Variants in EEPD1 observed in about 807,000 individuals in gnomAD.
EEPD1 encodes endonuclease/exonuclease/phosphatase family domain containing 1.
A neutral mutation model predicts 46.3 loss-of-function variants in EEPD1; 17 were observed. The observed-to-expected ratio is 0.37, with a 90% CI of 0.25 to 0.55. The LOEUF (loss-of-function observed/expected upper bound fraction) is 0.55, where lower values mean the gene tolerates loss of function less well. Among genes scored for constraint, EEPD1 ranks in the 20% least tolerant of loss-of-function variants. The probability of loss-of-function intolerance (pLI) is 0.83; values close to 1 mark genes in which losing one functional copy is unlikely to be tolerated. For missense variants in EEPD1, 673 were observed against 745.6 expected, an observed-to-expected ratio of 0.90 and a Z score of 1.13; for synonymous variants, 313 against 315.6, an observed-to-expected ratio of 0.99 and a Z score of 0.09.
At chr7:36,161,239 G>A (rs944734593) in intron 2 of EEPD1, among the ~76,000 whole-genome samples, 1 of 152,208 alleles carries the variant, frequency 6.6e-6, no homozygotes, top group African/African-American at 2.4e-5. Flanking sequence ...AGAGGCATGG[G>A]CGCAGGAAGA....
chr7:36,298,988 T>C lies in EEPD1; in HGVS notation c.1511-19T>C, dbSNP rs1787572103. Reference sequence around the variant, plus strand: ...CCCCCCATCCTGATTCCCGGTCTCTTTCCTTCCTCTCCCTTCAGGTCACTG... The same window carrying C: ...CCCCCCATCCTGATTCCCGGTCTCTCTCCTTCCTCTCCCTTCAGGTCACTG... On this transcript the variant is annotated intron_variant, in intron 7 of 7. Coordinates refer to ENST00000242108, the MANE Select transcript of EEPD1 (RefSeq NM_030636.3). 3 of 1,612,878 alleles carry C rather than the reference T, an allele frequency of 1.9e-6. No individual in the cohort carries two copies. Among genetic ancestry groups the C allele is most frequent in the Non-Finnish European group, 2.5e-6 (3 of 1,179,346 alleles).
rs569504298 is a variant in EEPD1 at position 36,293,984 on chromosome 7, ACTT to A, written c.1316-3005_1316-3003del. On this transcript the variant is annotated intron_variant, in intron 6 of 7. Coordinates refer to ENST00000242108, the MANE Select transcript of EEPD1 (RefSeq NM_030636.3). ...ATCTCAAAAAAAAAAAAGTTTCAAA[ACTT>A]CTTATTTGAAGCACATCCATCTCCA... Among the ~76,000 whole-genome samples the A allele has an allele frequency of 3.1e-3, 478 of 152,124 alleles. 1 individual carries two copies. The highest frequency in any genetic ancestry group is 0.011 in the African/African-American group (438 of 41,486).
At chr7:36,194,701 G>A (rs369360978) in intron 2 of EEPD1, among the ~76,000 whole-genome samples, 22 of 152,176 alleles carry the variant, frequency 1.4e-4, no homozygotes, top group Admixed American at 1.2e-3. Context: ...CCGGAAGAGC[G>A]AAGGAATTGA....
At chr7:36,266,925 T>C (rs1787028476) in intron 3 of EEPD1, among the ~76,000 whole-genome samples, 2 of 152,264 alleles carry the variant, frequency 1.3e-5, no homozygotes, top group African/African-American at 4.8e-5. Context: ...CACGGCTGAG[T>C]AATACTTTCT....
At chr7:36,162,629 C>A (rs1020244279) in intron 2 of EEPD1, among the ~76,000 whole-genome samples, 4 of 151,676 alleles carry the variant, frequency 2.6e-5, no homozygotes, top group Non-Finnish European at 4.4e-5. Flanking sequence ...GAGCACAGAG[C>A]GAGACCCTGT....
chr7:36,213,680 A>C (rs1785976806), intron 2 of EEPD1, among the ~76,000 whole-genome samples: 1 of 152,118 alleles, frequency 6.6e-6, no homozygotes, highest in Non-Finnish European at 1.5e-5. Context: ...GTGTGACTCC[A>C]CTCACAAGAC....
rs942346132 is a variant in EEPD1, at chr7:36,154,876, T to C, written c.552T>C (p.Asn184=). 1 of 1,614,172 alleles carries C rather than the reference T, an allele frequency of 6.2e-7. No homozygotes were observed. Among genetic ancestry groups the C allele is most frequent in the African/African-American group, 1.3e-5 (1 of 75,024 alleles). ...ACCTAGTGAGGATGGATGGTATCAA[T>C]GCCGCCTTCCTGGACAGGATCCGGC... ...VEDLVRMDGI[N]AAFLDRIRHQ... Residue 184 remains asparagine (N), a synonymous_variant, in exon 2 of 8, where the codon AAT becomes AAC. Coordinates refer to ENST00000242108, the MANE Select transcript of EEPD1 (RefSeq NM_030636.3). The surrounding 1 kb of genome is among the most constrained non-coding windows in gnomAD (Gnocchi z 4.2).
intron 2 of EEPD1, among the ~76,000 whole-genome samples, chr7:36,219,013 A>G (rs1378514987): frequency 6.6e-6 from 1 of 152,188 alleles, no homozygotes; most frequent in Non-Finnish European, 1.5e-5. Context: ...TCGGGTTGGT[A>G]TCTGGAAGTC....
intron 2 of EEPD1, among the ~76,000 whole-genome samples, chr7:36,233,749 C>T (rs766130588): frequency 1.1e-4 from 17 of 152,162 alleles, no homozygotes; most frequent in Non-Finnish European, 2.4e-4. Flanking sequence ...TGGAAAGATC[C>T]TGGGGAAGAC....
At position 36,297,063 on chromosome 7, in the gene EEPD1, GA is replaced by G. The variant is rs1222137368; in HGVS notation, c.1389del (p.Glu464LysfsTer6). On this transcript the variant is annotated frameshift_variant, in exon 7 of 8. Coordinates refer to ENST00000242108, the MANE Select transcript of EEPD1 (RefSeq NM_030636.3). LOFTEE classifies it high-confidence loss of function. ...ACAGCAATGACTATGATATCCTGAGGAAAGAAAAGTTCCACCACCTGATCCC... is the reference window on the plus strand; with the variant it reads ...ACAGCAATGACTATGATATCCTGAGGAAGAAAAGTTCCACCACCTGATCCC... ...PDSNDYDILR[K>X]EKFHHLIPAH... 6.2e-7 allele frequency: 1 copy of G among 1,614,216 alleles called. No homozygotes were observed. Among genetic ancestry groups the G allele is most frequent in the Admixed American group, 1.7e-5 (1 of 60,020 alleles).
At chr7:36,257,572 T>G (rs1485353901) in intron 3 of EEPD1, among the ~76,000 whole-genome samples, 1 of 152,222 alleles carries the variant, frequency 6.6e-6, no homozygotes, top group Non-Finnish European at 1.5e-5. Flanking sequence ...TTCATTAAGT[T>G]GGTCTTTGAT....
chr7:36,260,607 TA>T (rs1436572722), intron 3 of EEPD1, among the ~76,000 whole-genome samples: 1 of 152,222 alleles, frequency 6.6e-6, no homozygotes, highest in Non-Finnish European at 1.5e-5. Flanking sequence ...ATTATTTGCA[TA>T]AAGTCCAACA....
At chr7:36,253,368 G>A (rs76351169) in intron 3 of EEPD1, among the ~76,000 whole-genome samples, 4,459 of 152,218 alleles carry the variant, frequency 0.029, 218 homozygotes, top group African/African-American at 0.1. Context: ...CTAACATAAG[G>A]TCTGTCCCAA....
chr7:36,247,122 C>CAAAAA (rs35947069), intron 3 of EEPD1, among the ~76,000 whole-genome samples: 3 of 107,226 alleles, frequency 2.8e-5, no homozygotes, highest in African/African-American at 3.5e-5. Context: ...GACTCCATCT[C>CAAAAA]AAAAAAAAAA....
intron 2 of EEPD1, among the ~76,000 whole-genome samples, chr7:36,198,976 C>A (rs893833756): frequency 6.6e-6 from 1 of 152,090 alleles, no homozygotes; most frequent in Non-Finnish European, 1.5e-5. Flanking sequence ...CCGAGGAGAA[C>A]CAGAAAGAGC....
intron 3 of EEPD1, among the ~76,000 whole-genome samples, chr7:36,245,288 T>C (rs1004768177): frequency 3.3e-5 from 5 of 152,082 alleles, no homozygotes; most frequent in Non-Finnish European, 1.5e-5. Flanking sequence ...AGGGGGACAT[T>C]TTGCCCTTGT....
At chr7:36,222,546 A>G (rs193114549) in intron 2 of EEPD1, among the ~76,000 whole-genome samples, 6 of 152,350 alleles carry the variant, frequency 3.9e-5, no homozygotes, top group Admixed American at 2.6e-4. Context: ...TGATAATTAT[A>G]TAATGTTTGT....
chr7:36,202,503 A>G (rs1189757260), intron 2 of EEPD1, among the ~76,000 whole-genome samples: 2 of 152,206 alleles, frequency 1.3e-5, no homozygotes, highest in South Asian at 2.1e-4. Context: ...CCTGGTTCTG[A>G]GGGTGTTGGA....
chr7:36,256,394 T>C (rs1413101994), intron 3 of EEPD1, among the ~76,000 whole-genome samples: 2 of 152,224 alleles, frequency 1.3e-5, no homozygotes, highest in African/African-American at 4.8e-5. Flanking sequence ...TTCTGTCTTG[T>C]TGATCTGTCT....
Sources: allele counts gnomAD v4.1 joint callset (sites outside exome capture counted in the v4.1 genomes callset), GRCh38; gene constraint gnomAD v4.1.1; non-coding constraint Gnocchi (gnomAD v3.1); transcripts MANE v1.5; gene names NCBI Gene and HGNC (gene_info 2026-07-23, HGNC 2026-07-21).